Variants in DNAJC11 observed in about 807,000 individuals in gnomAD.
DNAJC11 encodes the protein dnaJ homolog subfamily C member 11.
In DNAJC11, 15 loss-of-function variants were observed where a neutral mutation model predicts 78.6. The observed-to-expected ratio is 0.19, with a 90% CI of 0.13 to 0.29. The LOEUF is 0.29. Among genes scored for constraint, DNAJC11 ranks in the 10% least tolerant of loss-of-function variants. The pLI, the probability that DNAJC11 is intolerant of heterozygous loss-of-function variation, is 1.00. For missense variants in DNAJC11, 547 were observed against 709.6 expected (o/e 0.77, Z 2.60); for synonymous variants, 292 against 272.1 (o/e 1.07, Z -0.72).
At position 6,701,764 on chromosome 1, in the gene DNAJC11, C is replaced by A; in HGVS notation, c.37G>T (p.Glu13Ter). The change falls in exon 1 of 16, where the codon GAA becomes TAA. Residue 13 changes from glutamate to a stop codon, truncating the protein, a stop_gained. Coordinates refer to ENST00000377577, the MANE Select transcript of DNAJC11 (RefSeq NM_018198.4). LOFTEE classifies it high-confidence loss of function. ...TALSEEELDN[E>*]DYYSLLNVRR... is the part of the protein sequence containing the mutation. ...ACGTTCAGCAACGAGTAATAGTCTTCATTGTCCAGCTCCTCCTCGCTCAAG... is the reference window on the plus strand; with the variant it reads ...ACGTTCAGCAACGAGTAATAGTCTTAATTGTCCAGCTCCTCCTCGCTCAAG... 1 of 1,567,562 alleles carries A rather than the reference C, an allele frequency of 6.4e-7. No homozygotes were observed.
chr1:6,678,264 G>A (rs1570303091), intron 3 of DNAJC11, 130 bp downstream of exon 3: 2 of 1,002,484 alleles, frequency 2.0e-6, no homozygotes, highest in South Asian at 1.3e-5. Flanking sequence ...CAAAAATACA[G>A]GGCAAGGAAG....
At position 6,680,381 on chromosome 1, in the gene DNAJC11, C is replaced by T. The variant is rs978742711; in HGVS notation, c.202+527G>A. Among the ~76,000 whole-genome samples the T allele has an allele frequency of 1.2e-4, 18 of 152,126 alleles. No homozygotes were observed. Among genetic ancestry groups the T allele is most frequent in the African/African-American group, 4.1e-4 (17 of 41,418 alleles). On this transcript the variant is annotated intron_variant, in intron 2 of 15. Coordinates refer to ENST00000377577, the MANE Select transcript of DNAJC11 (RefSeq NM_018198.4). This position sits in a 1 kb window ranked among gnomAD's most constrained non-coding sequence, Gnocchi z 4.0. ...GGTAGTGACTTTAATATTTTATAAA[C>T]AAATATATCACAGAATGTTCTTTCT...
chr1:6,634,734 GTGT>G lies in DNAJC11; in HGVS notation c.*938_*940del. 1 of 1,357,368 alleles carries G rather than the reference GTGT, an allele frequency of 7.4e-7. No individual in the cohort carries two copies. The highest frequency in any genetic ancestry group is 9.8e-7 in the Non-Finnish European group (1 of 1,017,456). The allele number at this position is 1,357,368 out of a possible 1,614,324, so 84.1% of individuals were successfully genotyped here. A position where few individuals can be genotyped will look rare whatever the true frequency, so the allele number is the denominator to read the frequency against. On this transcript the variant is annotated 3_prime_UTR_variant, in exon 16 of 16. Transcript: ENST00000377577. ...GGAAGGCTCCGGAGCACAGGCCCTG[GTGT>G]TCCTGTGAGGACGCTGGACCTGCAG... is the stretch of plus-strand genomic sequence containing the variant.
At chr1:6,654,111 C>G in intron 4 of DNAJC11, 72 bp from the exon 5 acceptor site, 2 of 1,566,316 alleles carry the variant, frequency 1.3e-6, no homozygotes, top group Non-Finnish European at 1.7e-6. Flanking sequence ...TACACTTCAA[C>G]AGCCAGCTCG....
chr1:6,699,286 G>A (rs1364721134), intron 1 of DNAJC11, among the ~76,000 whole-genome samples: 1 of 152,148 alleles, frequency 6.6e-6, no homozygotes. Context: ...AACAGAGTGA[G>A]ACCCTGTCTC....
At position 6,634,507 on chromosome 1, in the gene DNAJC11, GC is replaced by G. The variant is rs753742546; in HGVS notation, c.*1167del. ...GGGCTGGAGGCCGGCGCAGCTTGGGGCCCCCCGCGCCAGCTGTCTCAGCCAC... is the reference window on the plus strand; with the variant it reads ...GGGCTGGAGGCCGGCGCAGCTTGGGGCCCCCGCGCCAGCTGTCTCAGCCAC... On this transcript the variant is annotated 3_prime_UTR_variant, in exon 16 of 16. Transcript: ENST00000377577. 4 of 1,349,832 alleles carry G rather than the reference GC, an allele frequency of 3.0e-6. No individual in the cohort carries two copies. The highest frequency in any genetic ancestry group is 1.2e-5 in the South Asian group (1 of 85,270). 83.6% of individuals were successfully genotyped at this position (1,349,832 alleles called of 1,614,324 possible).
rs764909374 is a variant in DNAJC11 at position 6,638,327 on chromosome 1, C to T, written c.1291G>A (p.Val431Met). 1.9e-6 allele frequency: 3 copies of T among 1,613,726 alleles called. No homozygotes were observed. Among genetic ancestry groups the T allele is most frequent in the Non-Finnish European group, 1.7e-6 (2 of 1,179,746 alleles). Reference sequence around the variant, plus strand: ...TCCGCCTCTTGCTTCTTCTGCAGCACATCGGTGGCGGCGCTTTCCCTCTGC... The same window carrying T: ...TCCGCCTCTTGCTTCTTCTGCAGCATATCGGTGGCGGCGCTTTCCCTCTGC... Reference protein sequence around the residue: ...EKQRESAATDVLQKKQEAESA... With the variant: ...EKQRESAATDMLQKKQEAESA... The change falls in exon 12 of 16, where the codon GTG becomes ATG. Residue 431 changes from valine (V) to methionine (M), a missense_variant. Coordinates refer to ENST00000377577, the MANE Select transcript of DNAJC11 (RefSeq NM_018198.4).
chr1:6,678,466 C>T lies in DNAJC11; in HGVS notation c.204G>A (p.Val68=). ...LFNLVHQAYE[V]LSDPQTRAIY... is the part of the protein sequence containing the mutation. ...TGGCCCTGGTTTGGGGGTCACTAAGCACTGCAAATTAAAAATTAAACATGT... is the reference window on the plus strand; with the variant it reads ...TGGCCCTGGTTTGGGGGTCACTAAGTACTGCAAATTAAAAATTAAACATGT... Residue 68 remains valine (V), a splice_region_variant and synonymous_variant, in exon 3 of 16, where the codon GTG becomes GTA. Transcript: ENST00000377577. 6.2e-7 allele frequency: 1 copy of T among 1,610,010 alleles called. No homozygotes were observed. Among genetic ancestry groups the T allele is most frequent in the Non-Finnish European group, 8.5e-7 (1 of 1,178,712 alleles).
intron 1 of DNAJC11, among the ~76,000 whole-genome samples, chr1:6,695,452 A>G (rs1012790126): frequency 2.6e-5 from 4 of 152,134 alleles, no homozygotes; most frequent in Admixed American, 6.5e-5. Flanking sequence ...CCTGGCCTAC[A>G]GTAAGTGCTT....
intron 4 of DNAJC11, among the ~76,000 whole-genome samples, chr1:6,662,342 T>C (rs1002224797): frequency 1.3e-5 from 2 of 151,974 alleles, no homozygotes; most frequent in African/African-American, 2.4e-5. Flanking sequence ...TACAGGCGCC[T>C]GCCACCACGC....
intron 3 of DNAJC11, among the ~76,000 whole-genome samples, chr1:6,676,408 G>A (rs1022425681): frequency 1.3e-5 from 2 of 152,102 alleles, no homozygotes; most frequent in Admixed American, 6.5e-5. Flanking sequence ...GGCTGGGTGC[G>A]GTGGCTCACA....
At chr1:6,682,385 TA>T (rs1213371240) in intron 1 of DNAJC11, among the ~76,000 whole-genome samples, 7 of 152,114 alleles carry the variant, frequency 4.6e-5, no homozygotes, top group African/African-American at 1.7e-4. Context: ...TCAGGGGTTC[TA>T]AACAAGGAAT....
chr1:6,679,057 T>C (rs1391202752), intron 2 of DNAJC11, among the ~76,000 whole-genome samples: 2 of 152,200 alleles, frequency 1.3e-5, no homozygotes, highest in Non-Finnish European at 2.9e-5. Context: ...AGGTGCACCA[T>C]GCAGGAAGTG....
At chr1:6,647,080 CTTTTTTTTTTTTT>C (rs70981396) in intron 7 of DNAJC11, among the ~76,000 whole-genome samples, 1 of 95,024 alleles carries the variant, frequency 1.1e-5, no homozygotes, top group Non-Finnish European at 2.1e-5. Context: ...CTGGACAGGT[CTTTTTTTTTTTTT>C]TTTTTTTTTG....
At chr1:6,688,146 A>G (rs192348054) in intron 1 of DNAJC11, among the ~76,000 whole-genome samples, 119 of 152,324 alleles carry the variant, frequency 7.8e-4, no homozygotes, top group Non-Finnish European at 1.4e-3. Context: ...GAAAAGGACA[A>G]GCCCAGCGAA....
chr1:6,661,114 C>T (rs538411854), intron 4 of DNAJC11, among the ~76,000 whole-genome samples: 20 of 152,262 alleles, frequency 1.3e-4, no homozygotes, highest in African/African-American at 3.4e-4. Flanking sequence ...GTCACAATCA[C>T]GTTAACACAT....
intron 4 of DNAJC11, among the ~76,000 whole-genome samples, chr1:6,660,122 T>C (rs546434403): frequency 6.6e-6 from 1 of 150,916 alleles, no homozygotes; most frequent in South Asian, 2.1e-4. Context: ...CTTCGCTTTA[T>C]GTACCCCCCA....
Position 6,648,667 on chromosome 1 carries a change from G to A in DNAJC11, c.705-2689C>T, listed in dbSNP as rs561680683. On this transcript the variant is annotated intron_variant, in intron 7 of 15. Coordinates refer to ENST00000377577, the MANE Select transcript of DNAJC11 (RefSeq NM_018198.4). ...AGTCAAGGTTTTGCCATGTTGCCTA[G>A]GCTGGTCTCAAACTCCTGAGCTCAA... Among the ~76,000 whole-genome samples, 5 of 152,230 alleles carry A rather than the reference G, an allele frequency of 3.3e-5. No individual in the cohort carries two copies. The South Asian group carries it at 1.0e-3, about 32-fold the overall frequency.
chr1:6,686,450 T>C (rs959639145), intron 1 of DNAJC11, among the ~76,000 whole-genome samples: 2 of 152,224 alleles, frequency 1.3e-5, no homozygotes, highest in Non-Finnish European at 2.9e-5. Flanking sequence ...CATGTCCATC[T>C]GAGGCCAGCT....
Sources: allele counts gnomAD v4.1 joint callset (sites outside exome capture counted in the v4.1 genomes callset), GRCh38; gene constraint gnomAD v4.1.1; non-coding constraint Gnocchi (gnomAD v3.1); transcripts MANE v1.5; gene names NCBI Gene and HGNC (gene_info 2026-07-23, HGNC 2026-07-21).